PELI2: variants seen among roughly 807,000 people sequenced by gnomAD.
PELI2 encodes the protein pellino E3 ubiquitin protein ligase family member 2.
A neutral mutation model predicts 42.3 loss-of-function variants in PELI2; 23 were observed. The observed-to-expected ratio is 0.54, with a 90% CI of 0.39 to 0.77. The LOEUF is 0.77. Among genes scored for constraint, PELI2 ranks in the 30% least tolerant of loss-of-function variants. The pLI is 0.00. For synonymous variants in PELI2, 245 were observed against 212.2 expected (o/e 1.15, Z -1.34); for missense variants, 463 against 553.2 (o/e 0.84, Z 1.64).
intron 2 of PELI2, among the ~76,000 whole-genome samples, chr14:56,178,947 T>A (rs1264099752): frequency 6.6e-6 from 1 of 152,188 alleles, no homozygotes; most frequent in Non-Finnish European, 1.5e-5. Context: ...TTTTACATAA[T>A]CTGTATGTAC....
chr14:56,240,183 T>A (rs770865769), intron 2 of PELI2, among the ~76,000 whole-genome samples: 1 of 151,970 alleles, frequency 6.6e-6, no homozygotes, highest in Non-Finnish European at 1.5e-5. Flanking sequence ...ACGATCAGAT[T>A]TGTGTTTTAG....
intron 1 of PELI2, among the ~76,000 whole-genome samples, chr14:56,161,902 A>G (rs1412043074): frequency 3.3e-5 from 5 of 152,188 alleles, no homozygotes; most frequent in African/African-American, 9.7e-5. Context: ...TGGCACTACC[A>G]TATTAGTTCT....
chr14:56,232,028 C>G (rs12009287), intron 2 of PELI2, among the ~76,000 whole-genome samples: 61,201 of 151,916 alleles, frequency 0.4, 13,040 homozygotes, highest in South Asian at 0.52. Context: ...ATAAATTCCT[C>G]GACACATACA....
chr14:56,265,952 G>A lies in PELI2; in HGVS notation c.208-13724G>A, dbSNP rs963893584. Reference sequence around the variant, plus strand: ...AAAAGACTGACAATTCCAAAAGTTGGCAGGATTGGATCTAACCCAAAGTTC... The same window carrying A: ...AAAAGACTGACAATTCCAAAAGTTGACAGGATTGGATCTAACCCAAAGTTC... On this transcript the variant is annotated intron_variant, in intron 2 of 5. Transcript: ENST00000267460. 1.1e-4 allele frequency among the ~76,000 whole-genome samples: 16 copies of A among 151,968 alleles called. No individual in the cohort carries two copies. The East Asian group carries it at 2.5e-3, about 24-fold the overall frequency.
chr14:56,281,678 T>G (rs1309768828), intron 3 of PELI2, among the ~76,000 whole-genome samples: 1 of 152,132 alleles, frequency 6.6e-6, no homozygotes, highest in East Asian at 1.9e-4. Context: ...AAAAGGTTAA[T>G]GTCACAAATA....
intron 2 of PELI2, among the ~76,000 whole-genome samples, chr14:56,228,294 A>T (rs1340205798): frequency 6.6e-6 from 1 of 152,216 alleles, no homozygotes; most frequent in Non-Finnish European, 1.5e-5. Context: ...TTTCAGCATG[A>T]TGCAGCCACT....
At chr14:56,228,510 G>A (rs769746865) in intron 2 of PELI2, among the ~76,000 whole-genome samples, 24 of 151,986 alleles carry the variant, frequency 1.6e-4, no homozygotes, top group Non-Finnish European at 1.6e-4. Context: ...ATAATTAGGT[G>A]ACAAAAATAT....
At chr14:56,263,337 A>G (rs1888785633) in intron 2 of PELI2, among the ~76,000 whole-genome samples, 1 of 152,192 alleles carries the variant, frequency 6.6e-6, no homozygotes, top group African/African-American at 2.4e-5. Flanking sequence ...AATATGCAAG[A>G]ATGCAGGATA....
chr14:56,237,293 A>T (rs1218242344), intron 2 of PELI2, among the ~76,000 whole-genome samples: 1 of 152,210 alleles, frequency 6.6e-6, no homozygotes, highest in Non-Finnish European at 1.5e-5. Context: ...AAATCAATTA[A>T]TTATTTATTT....
At chr14:56,193,112 G>A (rs1886010407) in intron 2 of PELI2, among the ~76,000 whole-genome samples, 1 of 152,152 alleles carries the variant, frequency 6.6e-6, no homozygotes, top group Non-Finnish European at 1.5e-5. Flanking sequence ...AGAGGGAGAT[G>A]ACTTACAAAT....
chr14:56,160,318 T>G (rs1657658643), intron 1 of PELI2, among the ~76,000 whole-genome samples: 2 of 152,180 alleles, frequency 1.3e-5, no homozygotes, highest in Admixed American at 6.5e-5. Flanking sequence ...AAACAGACTC[T>G]GAGAAGTTAA....
intron 2 of PELI2, among the ~76,000 whole-genome samples, chr14:56,183,629 T>C (rs1439200222): frequency 6.6e-6 from 1 of 152,166 alleles, no homozygotes; most frequent in Non-Finnish European, 1.5e-5. Context: ...AACTTATAAA[T>C]CAGGAAGGTA....
intron 2 of PELI2, among the ~76,000 whole-genome samples, chr14:56,188,036 G>T (rs1190521182): frequency 6.6e-6 from 1 of 152,182 alleles, no homozygotes; most frequent in Non-Finnish European, 1.5e-5. Flanking sequence ...GGAAAAGTTG[G>T]CCCAGCTGCC....
At chr14:56,150,235 A>G (rs1338180690) in intron 1 of PELI2, among the ~76,000 whole-genome samples, 1 of 152,248 alleles carries the variant, frequency 6.6e-6, no homozygotes, top group Non-Finnish European at 1.5e-5. Context: ...TAACATTAAG[A>G]TGCAGTGTTA....
chr14:56,296,991 C>G lies in PELI2; in HGVS notation c.1088C>G (p.Thr363Ser). The change falls in exon 6 of 6, where the codon ACT (threonine) becomes AGT (serine). Residue 363 changes from threonine (T) to serine (S), a missense_variant. Coordinates refer to ENST00000267460, the MANE Select transcript of PELI2 (RefSeq NM_021255.3). ...AGFYVDAGPP[T>S]HAFTPCGHVC... ...TTTTATGTAGACGCAGGACCGCCAACTCATGCTTTCACTCCCTGTGGACAC... is the reference window on the plus strand; with the variant it reads ...TTTTATGTAGACGCAGGACCGCCAAGTCATGCTTTCACTCCCTGTGGACAC... The G allele has an allele frequency of 6.2e-7, 1 of 1,614,146 alleles. No homozygotes were observed.
At chr14:56,189,525 G>T (rs1365244089) in intron 2 of PELI2, among the ~76,000 whole-genome samples, 3 of 152,188 alleles carry the variant, frequency 2.0e-5, no homozygotes, top group African/African-American at 7.2e-5. Flanking sequence ...AATAAAGTCT[G>T]CCTCCAGCTA....
At position 56,197,346 on chromosome 14, in the gene PELI2, A is replaced by G. The variant is rs886334741; in HGVS notation, c.207+18882A>G. On this transcript the variant is annotated intron_variant, in intron 2 of 5. Transcript: ENST00000267460. This position sits in a 1 kb window ranked among gnomAD's most constrained non-coding sequence, Gnocchi z 4.9. ...GAGGGGCAGAAGTGTAACTGTCAGC[A>G]TATTCTAAGACTCTGAGGCAGGCTT... is the stretch of plus-strand genomic sequence containing the variant. 2.6e-5 allele frequency among the ~76,000 whole-genome samples: 4 copies of G among 152,160 alleles called. No homozygotes were observed. Among genetic ancestry groups the G allele is most frequent in the Admixed American group, 6.5e-5 (1 of 15,276 alleles).
chr14:56,273,433 T>C lies in PELI2; in HGVS notation c.208-6243T>C, dbSNP rs1889174488. ...GCCAGCCCAGATGCCAGATGATACA[T>C]GATGATTGCACAAAAGCATCTTCAG... On this transcript the variant is annotated intron_variant, in intron 2 of 5. Transcript: ENST00000267460. The surrounding 1 kb of genome is among the most constrained non-coding windows in gnomAD (Gnocchi z 4.3). Among the ~76,000 whole-genome samples the C allele has an allele frequency of 6.6e-6, 1 of 152,210 alleles. No homozygotes were observed. Among genetic ancestry groups the C allele is most frequent in the African/African-American group, 2.4e-5 (1 of 41,444 alleles).
At chr14:56,153,716 GT>G (rs937954121) in intron 1 of PELI2, among the ~76,000 whole-genome samples, 2 of 152,122 alleles carry the variant, frequency 1.3e-5, no homozygotes, top group Non-Finnish European at 1.5e-5. Flanking sequence ...GGTACATAGA[GT>G]TTTTTTGTAA....
Sources: gnomAD v4.1 joint callset for allele counts (sites outside exome capture counted in the v4.1 genomes callset) on GRCh38, gnomAD v4.1.1 for gene constraint, Gnocchi (gnomAD v3.1) non-coding constraint, MANE v1.5 for transcripts, NCBI Gene and HGNC (gene_info 2026-07-23, HGNC 2026-07-21) for gene names.